Variants in PAX8 observed in about 807,000 individuals in gnomAD.
The protein encoded by PAX8 is paired box protein Pax-8.
In PAX8, 15 loss-of-function variants were observed where a neutral mutation model predicts 52.4. That is an observed-to-expected ratio of 0.29 (90% CI 0.19 to 0.44). The LOEUF (loss-of-function observed/expected upper bound fraction) is 0.44, where lower values mean the gene tolerates loss of function less well. Among genes scored for constraint, PAX8 ranks in the 20% least tolerant of loss-of-function variants. PAX8 has a pLI of 1.00. For synonymous variants in PAX8, 284 were observed against 249.7 expected, an observed-to-expected ratio of 1.14 and a Z score of -1.29; for missense variants, 554 against 602.5, an observed-to-expected ratio of 0.92 and a Z score of 0.84.
intron 2 of PAX8, chr2:113,275,359 T>C (rs1237851616): frequency 6.6e-6 from 1 of 152,254 alleles, no homozygotes; most frequent in Non-Finnish European, 1.5e-5. Context: ...AATACCTCTT[T>C]ATGTTCCTCA....
At chr2:113,248,231 A>C (rs561528485) in intron 2 of PAX8, among the ~76,000 whole-genome samples, 1 of 152,340 alleles carries the variant, frequency 6.6e-6, no homozygotes, top group Admixed American at 6.5e-5. Context: ...TCTGATTTAT[A>C]TGACTTGTCT....
At chr2:113,264,568 C>T (rs6740158) in intron 2 of PAX8, among the ~76,000 whole-genome samples, 1 of 152,186 alleles carries the variant, frequency 6.6e-6, no homozygotes, top group Non-Finnish European at 1.5e-5. Flanking sequence ...TTGTAGAGTC[C>T]TCACTCCTTA....
chr2:113,252,700 C>T (rs527301931), intron 2 of PAX8, among the ~76,000 whole-genome samples: 1 of 152,346 alleles, frequency 6.6e-6, no homozygotes, highest in South Asian at 2.1e-4. Flanking sequence ...AGCAGCTAGG[C>T]AAAGCTGCGG....
chr2:113,251,364 G>T (rs571375021), intron 2 of PAX8, among the ~76,000 whole-genome samples: 1 of 152,178 alleles, frequency 6.6e-6, no homozygotes, highest in African/African-American at 2.4e-5. Context: ...CTCCTGGTTG[G>T]GCGGGAAGTG....
chr2:113,252,560 C>T (rs1469216494), intron 2 of PAX8, among the ~76,000 whole-genome samples: 2 of 151,292 alleles, frequency 1.3e-5, no homozygotes, highest in Non-Finnish European at 3.0e-5. Flanking sequence ...GACCCTTGGA[C>T]TGGGTAAAAG....
chr2:113,275,590 G>T (rs1305487083), intron 2 of PAX8: 1 of 152,170 alleles, frequency 6.6e-6, no homozygotes, highest in Non-Finnish European at 1.5e-5. Context: ...GTGGGAGTGG[G>T]CTGCGACAAG....
chr2:113,256,572 A>G (rs1361791860), intron 2 of PAX8, among the ~76,000 whole-genome samples: 1 of 140,602 alleles, frequency 7.1e-6, no homozygotes. Context: ...CTATTATTCT[A>G]TATATATATA....
At chr2:113,245,289 G>A (rs531845158) in intron 3 of PAX8, among the ~76,000 whole-genome samples, 6 of 152,110 alleles carry the variant, frequency 3.9e-5, no homozygotes, top group African/African-American at 9.6e-5. Flanking sequence ...CAAGTGATCC[G>A]CCCACCTTGG....
chr2:113,225,917 C>T, intron 10 of PAX8: 1 of 983,444 alleles, frequency 1.0e-6, no homozygotes, highest in Non-Finnish European at 1.2e-6. Context: ...TTTATCTTGA[C>T]CAATCTCATT....
At chr2:113,277,205 G>C (rs1384251168) in intron 2 of PAX8, among the ~76,000 whole-genome samples, 1 of 152,176 alleles carries the variant, frequency 6.6e-6, no homozygotes, top group African/African-American at 2.4e-5. Context: ...AATGGGGGCC[G>C]GGAGGGAGCA....
intron 9 of PAX8, among the ~76,000 whole-genome samples, chr2:113,231,149 T>C (rs1021096004): frequency 6.6e-6 from 1 of 152,254 alleles, no homozygotes; most frequent in African/African-American, 2.4e-5. Context: ...TATCTCGTTC[T>C]GATAGCAAGG....
intron 9 of PAX8, among the ~76,000 whole-genome samples, chr2:113,233,361 G>A (rs1484029035): frequency 1.3e-5 from 2 of 149,282 alleles, no homozygotes; most frequent in East Asian, 3.9e-4. Flanking sequence ...GTGCCAGCCA[G>A]AAAGAAAATG....
chr2:113,225,176 T>C (rs1163689317), intron 10 of PAX8, among the ~76,000 whole-genome samples: 1 of 152,256 alleles, frequency 6.6e-6, no homozygotes, highest in Non-Finnish European at 1.5e-5. Context: ...AAGTTATACA[T>C]ATTTGAATGG....
At chr2:113,248,164 A>G (rs1283105007) in intron 2 of PAX8, among the ~76,000 whole-genome samples, 1 of 152,208 alleles carries the variant, frequency 6.6e-6, no homozygotes, top group Non-Finnish European at 1.5e-5. Context: ...GGCTAATTTC[A>G]GGGCCGAGAT....
At chr2:113,237,702 C>T (rs1690481681) in intron 7 of PAX8, 1 of 152,210 alleles carries the variant, frequency 6.6e-6, no homozygotes, top group Admixed American at 6.5e-5. Flanking sequence ...CTCATCCTCA[C>T]CATGGCCTCC....
intron 10 of PAX8, among the ~76,000 whole-genome samples, chr2:113,224,793 AAAT>A (rs1158962765): frequency 6.7e-6 from 1 of 148,328 alleles, no homozygotes; most frequent in Non-Finnish European, 1.5e-5. Flanking sequence ...TCAAAACAAA[AAAT>A]AAAATAAAAT....
At chr2:113,255,891 T>C (rs1374163) in intron 2 of PAX8, among the ~76,000 whole-genome samples, 46,033 of 151,850 alleles carry the variant, frequency 0.3, 8,246 homozygotes, top group African/African-American at 0.51. Flanking sequence ...TGCTACCCCT[T>C]CTGAGAACTC....
intron 2 of PAX8, chr2:113,275,457 A>C: frequency 6.6e-6 from 1 of 152,164 alleles, no homozygotes; most frequent in East Asian, 1.9e-4. Context: ...CATTTATTCC[A>C]CTTTCCTCAA....
At chr2:113,269,908 G>A (rs1181534413) in intron 2 of PAX8, 1 of 152,098 alleles carries the variant, frequency 6.6e-6, no homozygotes, top group Admixed American at 6.5e-5. Context: ...GAATGTTCTG[G>A]ATTTCAACAC....
Sources: allele counts gnomAD v4.1 joint callset (sites outside exome capture counted in the v4.1 genomes callset), GRCh38; gene constraint gnomAD v4.1.1; transcripts MANE v1.5; gene names NCBI Gene and HGNC (gene_info 2026-07-23, HGNC 2026-07-21).